Variants in MAD1L1 observed in about 807,000 individuals in gnomAD.
MAD1L1 encodes the protein mitotic arrest deficient 1 like 1.
A neutral mutation model predicts 96.9 loss-of-function variants in MAD1L1; 95 were observed. The ratio of observed to expected loss-of-function variants is 0.98; its 90% CI spans 0.83 to 1.16. MAD1L1 has a LOEUF of 1.16. MAD1L1 is among the 50% of genes most tolerant of loss of function. The pLI is 0.00. For synonymous variants in MAD1L1, 473 were observed against 396.6 expected (o/e 1.19, Z -2.29); for missense variants, 1,007 against 954.4 (o/e 1.06, Z -0.73).
chr7:1,854,145 C>A (rs933261113), intron 18 of MAD1L1, among the ~76,000 whole-genome samples: 7 of 152,218 alleles, frequency 4.6e-5, no homozygotes, highest in African/African-American at 1.7e-4. Flanking sequence ...AGCCTCTGCC[C>A]CTGGGGCACC....
At chr7:2,220,903 CA>C (rs1280387935) in intron 5 of MAD1L1, 1 of 1,611,728 alleles carries the variant, frequency 6.2e-7, no homozygotes. Context: ...GGGGCAAGGC[CA>C]GATGCAGGGC....
At chr7:2,188,229 G>A (rs553849334) in intron 10 of MAD1L1, among the ~76,000 whole-genome samples, 13 of 152,314 alleles carry the variant, frequency 8.5e-5, no homozygotes, top group Admixed American at 3.9e-4. Context: ...AAACCACTAC[G>A]TGTGGAACAC....
chr7:1,836,082 C>A (rs568088410), intron 18 of MAD1L1, among the ~76,000 whole-genome samples: 1 of 152,130 alleles, frequency 6.6e-6, no homozygotes, highest in African/African-American at 2.4e-5. Flanking sequence ...AGTGCAGTGG[C>A]GCAATCTCAG....
At chr7:1,945,864 G>C (rs911591121) in intron 16 of MAD1L1, among the ~76,000 whole-genome samples, 2 of 152,190 alleles carry the variant, frequency 1.3e-5, no homozygotes, top group African/African-American at 4.8e-5. Context: ...GGGACCACCA[G>C]GGCAGGAGGT....
intron 12 of MAD1L1, among the ~76,000 whole-genome samples, chr7:2,055,454 G>T (rs1189693385): frequency 6.6e-6 from 1 of 152,208 alleles, no homozygotes; most frequent in African/African-American, 2.4e-5. Flanking sequence ...CATGGGGACC[G>T]CAGGCTGCAC....
intron 15 of MAD1L1, among the ~76,000 whole-genome samples, chr7:1,970,223 T>G (rs574512308): frequency 6.6e-6 from 1 of 152,258 alleles, no homozygotes; most frequent in East Asian, 1.9e-4. Context: ...CATGGAGGAT[T>G]CCTGAAGGGT....
At position 1,905,317 on chromosome 7, in the gene MAD1L1, T is replaced by C. The variant is rs190819949; in HGVS notation, c.1808-6927A>G. ...AAAGCACTGTTCCAGGCAGCAAGGATGCAGTGGCCTATGGAAGACGTTCTT... is the reference window on the plus strand; with the variant it reads ...AAAGCACTGTTCCAGGCAGCAAGGACGCAGTGGCCTATGGAAGACGTTCTT... On this transcript the variant is annotated intron_variant, in intron 17 of 18. Transcript: ENST00000265854. Among the ~76,000 whole-genome samples the C allele has an allele frequency of 4.0e-3, 242 of 61,064 alleles. 2 individuals carry two copies. The highest frequency in any genetic ancestry group is 0.015 in the African/African-American group (231 of 15,116). The allele number at this position is 61,064 out of a possible 152,430, so 40.1% of individuals were successfully genotyped here. A position where few individuals can be genotyped will look rare whatever the true frequency, so the allele number is the denominator to read the frequency against.
At chr7:2,217,483 C>T (rs1267150521) in intron 7 of MAD1L1, among the ~76,000 whole-genome samples, 1 of 152,146 alleles carries the variant, frequency 6.6e-6, no homozygotes, top group African/African-American at 2.4e-5. Context: ...TGAGAGGGCA[C>T]GGCCAGAGCA....
intron 9 of MAD1L1, among the ~76,000 whole-genome samples, chr7:2,213,622 A>G (rs1793102390): frequency 6.6e-6 from 1 of 152,172 alleles, no homozygotes; most frequent in African/African-American, 2.4e-5. Flanking sequence ...CGGGTCCTTG[A>G]GCCGTTAGGA....
At chr7:2,041,611 G>A (rs1783677288) in intron 12 of MAD1L1, among the ~76,000 whole-genome samples, 1 of 152,172 alleles carries the variant, frequency 6.6e-6, no homozygotes, top group African/African-American at 2.4e-5. Flanking sequence ...AATAAAATCT[G>A]TTTTCTCCAC....
intron 3 of MAD1L1, among the ~76,000 whole-genome samples, chr7:2,227,942 G>A (rs142559892): frequency 2.9e-4 from 44 of 152,242 alleles, no homozygotes; most frequent in East Asian, 1.5e-3. Flanking sequence ...AAATCAACAC[G>A]ATGTGTGAGA....
At chr7:1,820,599 C>A (rs1221793374) in intron 18 of MAD1L1, among the ~76,000 whole-genome samples, 1 of 151,734 alleles carries the variant, frequency 6.6e-6, no homozygotes, top group Non-Finnish European at 1.5e-5. Context: ...AGACCCCATC[C>A]CTATAATCAA....
chr7:1,957,385 C>T (rs1464193891), intron 16 of MAD1L1, among the ~76,000 whole-genome samples: 1 of 152,218 alleles, frequency 6.6e-6, no homozygotes, highest in Non-Finnish European at 1.5e-5. Flanking sequence ...GCCCAGAGCC[C>T]ACTCCACCGA....
At chr7:2,012,018 T>A (rs1782326049) in intron 13 of MAD1L1, among the ~76,000 whole-genome samples, 2 of 152,154 alleles carry the variant, frequency 1.3e-5, no homozygotes, top group Admixed American at 1.3e-4. Context: ...AACTCTTCTA[T>A]GTGCCTAATT....
At chr7:2,010,875 A>G (rs1311032284) in intron 13 of MAD1L1, among the ~76,000 whole-genome samples, 3 of 152,150 alleles carry the variant, frequency 2.0e-5, no homozygotes, top group African/African-American at 4.8e-5. Flanking sequence ...GCGAGGCCCG[A>G]GGTCAGAAGA....
intron 18 of MAD1L1, among the ~76,000 whole-genome samples, chr7:1,896,848 T>C (rs1020698346): frequency 2.0e-5 from 3 of 152,258 alleles, no homozygotes; most frequent in Non-Finnish European, 4.4e-5. Flanking sequence ...GTGATAACTG[T>C]TCATGGTACA....
intron 18 of MAD1L1, among the ~76,000 whole-genome samples, chr7:1,854,894 C>A (rs926645425): frequency 7.2e-5 from 11 of 152,252 alleles, no homozygotes; most frequent in Non-Finnish European, 1.6e-4. Flanking sequence ...GCAGGCCAAA[C>A]CCCGAGGGGC....
At position 2,216,229 on chromosome 7, in the gene MAD1L1, T is replaced by G; in HGVS notation, c.737A>C (p.Lys246Thr). 6.2e-7 allele frequency: 1 copy of G among 1,614,184 alleles called. No homozygotes were observed. Among genetic ancestry groups the G allele is most frequent in the Non-Finnish European group, 8.5e-7 (1 of 1,180,044 alleles). Residue 246 changes from lysine to threonine, a missense_variant, in exon 8 of 19, where the codon AAG becomes ACG. Coordinates refer to ENST00000265854, the MANE Select transcript of MAD1L1 (RefSeq NM_001013836.2). The stretch of plus-strand genomic sequence containing the variant: ...CCTAGGGAGCCGTACCAGCTCAGAC[T>G]TCATGTTCTTCACAATCGCTGCATC... ...EQDAAIVKNM[K>T]SELVRLPRLE...
chr7:1,932,456 C>A (rs948725517), intron 17 of MAD1L1, among the ~76,000 whole-genome samples: 4 of 152,236 alleles, frequency 2.6e-5, no homozygotes, highest in African/African-American at 9.6e-5. Flanking sequence ...AGGCCTTGAA[C>A]CCTGCAGATG....
Sources: gnomAD v4.1 joint callset for allele counts (sites outside exome capture counted in the v4.1 genomes callset) on GRCh38, gnomAD v4.1.1 for gene constraint, MANE v1.5 for transcripts, NCBI Gene and HGNC (gene_info 2026-07-23, HGNC 2026-07-21) for gene names.